PDE10A: variants seen among roughly 807,000 people sequenced by gnomAD.
PDE10A encodes the protein phosphodiesterase 10A, also known as cAMP and cAMP-inhibited cGMP 3',5'-cyclic phosphodiesterase 10A.
PDE10A carries 39 observed loss-of-function variants against 97.7 expected under a neutral mutation model. That is an observed-to-expected ratio of 0.40 (90% CI 0.31 to 0.52). The LOEUF is 0.52. Among genes scored for constraint, PDE10A ranks in the 20% least tolerant of loss-of-function variants. The probability of loss-of-function intolerance (pLI) is 0.56; values close to 1 mark genes in which losing one functional copy is unlikely to be tolerated. For missense variants in PDE10A, 731 were observed against 1,047.8 expected (o/e 0.70, Z 4.17); for synonymous variants, 371 against 376.8 (o/e 0.98, Z 0.18).
rs145137771 is a variant in PDE10A at position 165,681,394 on chromosome 6, A to ATGTGTGTG, written c.-614-137834_-614-137827dup. Among the ~76,000 whole-genome samples, 763 of 150,554 alleles carry ATGTGTGTG rather than the reference A, an allele frequency of 5.1e-3. 5 individuals carry two copies. Among genetic ancestry groups the ATGTGTGTG allele is most frequent in the Middle Eastern group, 0.017 (5 of 290 alleles). ...TAACCTCAATAATTGTCTTGGGAAA[A>ATGTGTGTG]TGTGTGTGTGTGTGTGTGTGTGTGT... On this transcript the variant is annotated intron_variant, in intron 1 of 19. Transcript: ENST00000366882.
intron 1 of PDE10A, among the ~76,000 whole-genome samples, chr6:165,804,253 A>AT (rs1779056212): frequency 1.3e-5 from 2 of 152,238 alleles, no homozygotes; most frequent in African/African-American, 4.8e-5. Context: ...AAATTTTATC[A>AT]AAACAATGAC....
At chr6:165,691,854 G>T (rs1019177063) in intron 1 of PDE10A, among the ~76,000 whole-genome samples, 1 of 152,186 alleles carries the variant, frequency 6.6e-6, no homozygotes, top group Non-Finnish European at 1.5e-5. Context: ...TGGAAGTGCT[G>T]GTCCTGTTAA....
rs143783728 is a variant in PDE10A at position 165,691,106 on chromosome 6, T to TCTCTCTCTCTCC, written c.-614-147539_-614-147538insGGAGAGAGAGAG. ...CTCTCTCTCTCTCTCTCTTTCTCTC[T>TCTCTCTCTCTCC]CCCCCCCCCCATCAGTGCCTGTGGT... On this transcript the variant is annotated intron_variant, in intron 1 of 19. Coordinates refer to the PDE10A transcript ENST00000366882. 1.3e-3 allele frequency among the ~76,000 whole-genome samples: 50 copies of TCTCTCTCTCTCC among 39,128 alleles called. 7 individuals carry two copies. The highest frequency in any genetic ancestry group is 1.9e-3 in the Non-Finnish European group (41 of 22,046). The allele number at this position is 39,128 out of a possible 152,430, so 25.7% of individuals were successfully genotyped here.
rs1781341314 is a variant in PDE10A, at chr6:165,331,536, TA to T, written c.*1488del. The T allele has an allele frequency of 1.3e-5, 2 of 152,332 alleles. No individual in the cohort carries two copies. Among genetic ancestry groups the T allele is most frequent in the South Asian group, 4.1e-4 (2 of 4,824 alleles). The allele number at this position is 152,332 out of a possible 1,614,324, so 9.4% of individuals were successfully genotyped here. The stretch of plus-strand genomic sequence containing the variant: ...GTAGAAGCATATTTTTCCATTTTAT[TA>T]AAAGCGATATTCCAGTTTCCTGCCA... On this transcript the variant is annotated 3_prime_UTR_variant, in exon 22 of 22. Transcript: ENST00000539869.
chr6:165,336,028 C>G (rs1330210354), intron 21 of PDE10A, 95 bp downstream of exon 21: 2 of 979,412 alleles, frequency 2.0e-6, no homozygotes, highest in Non-Finnish European at 1.6e-6. Context: ...TAGACAAACA[C>G]ACAGACCACA....
At chr6:165,983,031 T>A (rs1785066662) in intron 1 of PDE10A, among the ~76,000 whole-genome samples, 1 of 143,252 alleles carries the variant, frequency 7.0e-6, no homozygotes, top group African/African-American at 2.7e-5. Context: ...AGCCAGCTGC[T>A]GCCCACAAGA....
intron 1 of PDE10A, among the ~76,000 whole-genome samples, chr6:165,590,339 C>T (rs1456184302): frequency 6.6e-6 from 1 of 152,226 alleles, no homozygotes; most frequent in Non-Finnish European, 1.5e-5. Context: ...GCTGGCCACA[C>T]AGCTAGTCTG....
rs540124621 is a variant in PDE10A, at chr6:165,462,123, T to C, written c.1024-11761A>G. Among the ~76,000 whole-genome samples the C allele has an allele frequency of 3.3e-5, 5 of 152,372 alleles. No individual in the cohort carries two copies. In the East Asian group the frequency reaches 9.6e-4, roughly 29 times the overall value. On this transcript the variant is annotated intron_variant, in intron 3 of 21. Coordinates refer to ENST00000539869, the MANE Select transcript of PDE10A (RefSeq NM_001385079.1). ...TTAAAACAGATAATGCCCCAGGCTA[T>C]ACTAGCCAAGCTCTAGTTACATTTT...
At chr6:165,634,967 G>C (rs186347494) in intron 1 of PDE10A, among the ~76,000 whole-genome samples, 28 of 152,142 alleles carry the variant, frequency 1.8e-4, no homozygotes, top group African/African-American at 6.5e-4. Context: ...TTTATATAGC[G>C]ACCATCGCTC....
At chr6:165,692,298 T>C (rs4352664) in intron 1 of PDE10A, among the ~76,000 whole-genome samples, 21,967 of 152,088 alleles carry the variant, frequency 0.14, 3,143 homozygotes, top group African/African-American at 0.36. Flanking sequence ...GGATCAAGCG[T>C]GCTAAATTCT....
chr6:165,922,711 A>G (rs1782790687), intron 1 of PDE10A, among the ~76,000 whole-genome samples: 1 of 152,206 alleles, frequency 6.6e-6, no homozygotes, highest in South Asian at 2.1e-4. Context: ...CATGAGCTCC[A>G]CACGTGAGTC....
intron 18 of PDE10A, among the ~76,000 whole-genome samples, chr6:165,361,820 G>A (rs547737033): frequency 7.9e-5 from 12 of 152,176 alleles, no homozygotes; most frequent in East Asian, 5.8e-4. Flanking sequence ...CAACGTTGCC[G>A]GTACCTTGAT....
chr6:165,787,537 C>T (rs1400836494), intron 1 of PDE10A, among the ~76,000 whole-genome samples: 1 of 152,182 alleles, frequency 6.6e-6, no homozygotes, highest in Admixed American at 6.5e-5. Context: ...AAAAGTCCCC[C>T]AAATAAGAGA....
chr6:165,964,353 C>T (rs1172196464), intron 1 of PDE10A, among the ~76,000 whole-genome samples: 1 of 152,210 alleles, frequency 6.6e-6, no homozygotes, highest in Non-Finnish European at 1.5e-5. Context: ...AAGGAACACT[C>T]AACTACTCTT....
chr6:165,577,063 G>C (rs966308203), intron 1 of PDE10A, among the ~76,000 whole-genome samples: 1 of 152,194 alleles, frequency 6.6e-6, no homozygotes, highest in Non-Finnish European at 1.5e-5. Flanking sequence ...AAGTGGGAAG[G>C]GTAAAGAAGC....
At chr6:165,417,635 CAA>C (rs11285799) in intron 11 of PDE10A, among the ~76,000 whole-genome samples, 1 of 151,776 alleles carries the variant, frequency 6.6e-6, no homozygotes, top group Non-Finnish European at 1.5e-5. Context: ...ACAGCAACAA[CAA>C]AAAAAACCAA....
At position 165,437,170 on chromosome 6, in the gene PDE10A, G is replaced by C. The variant is rs550614783; in HGVS notation, c.1195-1793C>G. Among the ~76,000 whole-genome samples, 14 of 152,192 alleles carry C rather than the reference G, an allele frequency of 9.2e-5. No individual in the cohort carries two copies. The East Asian group carries it at 2.3e-3, about 25-fold the overall frequency. On this transcript the variant is annotated intron_variant, in intron 5 of 21. Transcript: ENST00000539869. ...CCAACAGTAACTCTGTATTTTTTGCGGGGGGTGTGGAGGGAGTCATAGTTT... is the reference window on the plus strand; with the variant it reads ...CCAACAGTAACTCTGTATTTTTTGCCGGGGGTGTGGAGGGAGTCATAGTTT...
intron 3 of PDE10A, among the ~76,000 whole-genome samples, chr6:165,455,058 C>T (rs1375803194): frequency 6.6e-6 from 1 of 152,146 alleles, no homozygotes; most frequent in Non-Finnish European, 1.5e-5. Flanking sequence ...AGCCATTTGC[C>T]TGGGTGACTG....
chr6:165,648,083 G>A (rs530787933), intron 1 of PDE10A, among the ~76,000 whole-genome samples: 10 of 152,176 alleles, frequency 6.6e-5, no homozygotes, highest in African/African-American at 1.9e-4. Context: ...TGCAATCTTG[G>A]CTCACTGCAA....
Sources: allele counts gnomAD v4.1 joint callset (sites outside exome capture counted in the v4.1 genomes callset), GRCh38; gene constraint gnomAD v4.1.1; transcripts MANE v1.5; gene names NCBI Gene and HGNC (gene_info 2026-07-23, HGNC 2026-07-21).